Variants in KCNQ2 observed in about 807,000 individuals in gnomAD.
The protein encoded by KCNQ2 is potassium voltage-gated channel subfamily KQT member 2.
In KCNQ2, 14 loss-of-function variants were observed where a neutral mutation model predicts 84.8. The observed-to-expected ratio is 0.17, with a 90% CI of 0.11 to 0.26. KCNQ2 has a LOEUF of 0.26. KCNQ2 is among the 10% of genes least tolerant of loss of function. KCNQ2 has a pLI of 1.00. For synonymous variants in KCNQ2, 599 were observed against 554.1 expected (o/e 1.08, Z -1.14); for missense variants, 788 against 1,254.0 (o/e 0.63, Z 5.61).
rs774516728 is a variant in KCNQ2, at chr20:63,408,431, G to T, written c.1869C>A (p.Leu623=). The T allele has an allele frequency of 5.6e-6, 9 of 1,608,436 alleles. No homozygotes were observed. Among genetic ancestry groups the T allele is most frequent in the Non-Finnish European group, 7.6e-6 (9 of 1,179,040 alleles). Residue 623 remains leucine, a synonymous_variant, in exon 16 of 17, where the codon CTC becomes CTA. Transcript: ENST00000359125. The surrounding 1 kb of genome is among the most constrained non-coding windows in gnomAD (Gnocchi z 5.0). ...LPEDPSMMGR[L]GKVEKQVLSM... The stretch of plus-strand genomic sequence containing the variant: ...CTCGCACCTGCTTCTCCACCTTCCC[G>T]AGCCGTCCCATCATGCTGGGGTCCT...
At position 63,401,743 on chromosome 20, in the gene KCNQ2, G is replaced by A. The variant is rs558559324; in HGVS notation, c.*4901C>T. Reference sequence around the variant, plus strand: ...AGGACACTGGGGGCACCCGTGCACTGAGCACCCACCCCTCAGAGCTCAGCC... The same window carrying A: ...AGGACACTGGGGGCACCCGTGCACTAAGCACCCACCCCTCAGAGCTCAGCC... On this transcript the variant is annotated 3_prime_UTR_variant, in exon 17 of 17. Coordinates refer to ENST00000359125, the MANE Select transcript of KCNQ2 (RefSeq NM_172107.4). 83 of 199,988 alleles carry A rather than the reference G, an allele frequency of 4.2e-4. No individual in the cohort carries two copies. The highest frequency in any genetic ancestry group is 6.1e-4 in the Non-Finnish European group (59 of 96,566). 12.4% of individuals were successfully genotyped at this position (199,988 alleles called of 1,614,324 possible). A position where few individuals can be genotyped will look rare whatever the true frequency, so the allele number is the denominator to read the frequency against.
At position 63,414,261 on chromosome 20, in the gene KCNQ2, G is replaced by T; in HGVS notation, c.1526-68C>A. 1 of 1,151,970 alleles carries T rather than the reference G, an allele frequency of 8.7e-7. No homozygotes were observed. Among genetic ancestry groups the T allele is most frequent in the Non-Finnish European group, 1.3e-6 (1 of 766,156 alleles). 71.4% of individuals were successfully genotyped at this position (1,151,970 alleles called of 1,614,324 possible). ...GAGACCTATTCCCGGGGTCCTGCAG[G>T]GCACACCGGCTAGACAGAGCGCCAG... On this transcript the variant is annotated intron_variant, in intron 13 of 16. Transcript: ENST00000359125. The surrounding 1 kb of genome is among the most constrained non-coding windows in gnomAD (Gnocchi z 6.6).
In KCNQ2 at chr20:63,414,817, G is replaced by A; in HGVS notation, c.1525+86C>T. On this transcript the variant is annotated intron_variant, in intron 13 of 16. Transcript: ENST00000359125. This position sits in a 1 kb window ranked among gnomAD's most constrained non-coding sequence, Gnocchi z 6.6. ...ACTCCAAGAGCAAGCAAAAGCAGCT[G>A]CGACGCCACAGGGTGGCCACAGTAG... The A allele has an allele frequency of 7.5e-7, 1 of 1,331,916 alleles. No individual in the cohort carries two copies. The highest frequency in any genetic ancestry group is 1.1e-6 in the Non-Finnish European group (1 of 928,904). 82.5% of individuals were successfully genotyped at this position (1,331,916 alleles called of 1,614,324 possible).
chr20:63,413,475 A>T lies in KCNQ2; in HGVS notation c.1738T>A (p.Ser580Thr). The change falls in exon 15 of 17, where the codon TCC becomes ACC. Residue 580 changes from serine to threonine, a missense_variant. Coordinates refer to ENST00000359125, the MANE Select transcript of KCNQ2 (RefSeq NM_172107.4). ...QYSAGHLDML[S>T]RIKSLQSRVD... ...CTGGACTGCAGGCTCTTAATTCGGGACAGCATGTCCAGGTGGCCGGCTGAG... is the reference window on the plus strand; with the variant it reads ...CTGGACTGCAGGCTCTTAATTCGGGTCAGCATGTCCAGGTGGCCGGCTGAG... The T allele has an allele frequency of 6.2e-7, 1 of 1,613,260 alleles. No homozygotes were observed. The highest frequency in any genetic ancestry group is 1.3e-5 in the African/African-American group (1 of 75,040).
At chr20:63,439,500 G>A in intron 6 of KCNQ2, 98 bp downstream of exon 6, 1 of 902,020 alleles carries the variant, frequency 1.1e-6, no homozygotes, top group Non-Finnish European at 1.9e-6. Flanking sequence ...TCCTGCCCCA[G>A]GTCCCACCTA....
In KCNQ2 at chr20:63,445,335, C is replaced by G; in HGVS notation, c.417G>C (p.Val139=). 1 of 1,613,872 alleles carries G rather than the reference C, an allele frequency of 6.2e-7. No homozygotes were observed. Among genetic ancestry groups the G allele is most frequent in the Non-Finnish European group, 8.5e-7 (1 of 1,180,014 alleles). Residue 139 remains valine, a synonymous_variant, in exon 3 of 17, where the codon GTG becomes GTC. Transcript: ENST00000359125. ...CGGCCCAGATCCGCACGAAGTACTCCACGCCAAACACCACGATAGTCACGA... is the reference window on the plus strand; with the variant it reads ...CGGCCCAGATCCGCACGAAGTACTCGACGCCAAACACCACGATAGTCACGA... ...LEIVTIVVFG[V]EYFVRIWAAG...
intron 1 of KCNQ2, among the ~76,000 whole-genome samples, chr20:63,457,997 G>C (rs938126240): frequency 2.0e-5 from 3 of 152,258 alleles, no homozygotes; most frequent in African/African-American, 7.2e-5. Flanking sequence ...GTCCCACCCA[G>C]ACCACAGGTG....
In KCNQ2 at chr20:63,446,190, A is replaced by G; in HGVS notation, c.387+557T>C. 1 of 264,902 alleles carries G rather than the reference A, an allele frequency of 3.8e-6. No homozygotes were observed. Among genetic ancestry groups the G allele is most frequent in the East Asian group, 1.3e-4 (1 of 7,940 alleles). 16.4% of individuals were successfully genotyped at this position (264,902 alleles called of 1,614,324 possible). On this transcript the variant is annotated intron_variant, in intron 2 of 16. Coordinates refer to ENST00000359125, the MANE Select transcript of KCNQ2 (RefSeq NM_172107.4). This position sits in a 1 kb window ranked among gnomAD's most constrained non-coding sequence, Gnocchi z 5.5. Reference sequence around the variant, plus strand: ...CCCAGGTAACTGCAAAGGGGGCCACAGTCTCCACCCAGACCTTGGGAAGCC... The same window carrying G: ...CCCAGGTAACTGCAAAGGGGGCCACGGTCTCCACCCAGACCTTGGGAAGCC...
rs531266923 is a variant in KCNQ2, at chr20:63,438,768, C to G, written c.928-48G>C. 1 of 1,545,922 alleles carries G rather than the reference C, an allele frequency of 6.5e-7. No homozygotes were observed. The highest frequency in any genetic ancestry group is 8.9e-7 in the Non-Finnish European group (1 of 1,123,852). On this transcript the variant is annotated intron_variant, in intron 6 of 16. Transcript: ENST00000359125. This position sits in a 1 kb window ranked among gnomAD's most constrained non-coding sequence, Gnocchi z 5.1. ...CACACCCCAGGGACCCCCCACACCC[C>G]AATTCATCAGGGTCAGACCATGCTC...
intron 4 of KCNQ2, among the ~76,000 whole-genome samples, chr20:63,442,987 TACCATC>T (rs2081260222): frequency 1.0e-3 from 19 of 18,654 alleles, no homozygotes; most frequent in Non-Finnish European, 1.4e-3. Context: ...TCACCACCAT[TACCATC>T]ACCATCACCA....
intron 1 of KCNQ2, chr20:63,447,904 G>A (rs570987969): frequency 1.8e-4 from 27 of 152,144 alleles, no homozygotes; most frequent in African/African-American, 4.1e-4. Context: ...GCCCAAATGC[G>A]TGACTTTTTC....
intron 1 of KCNQ2, among the ~76,000 whole-genome samples, chr20:63,457,212 C>T (rs2145848303): frequency 6.6e-6 from 1 of 152,370 alleles, no homozygotes; most frequent in South Asian, 2.1e-4. Context: ...CAGAGCTGCA[C>T]ACAGAGACCT....
At position 63,414,075 on chromosome 20, in the gene KCNQ2, G is replaced by T. The variant is rs2080209081; in HGVS notation, c.1631+13C>A. The T allele has an allele frequency of 1.2e-6, 2 of 1,602,086 alleles. No individual in the cohort carries two copies. The highest frequency in any genetic ancestry group is 1.7e-5 in the Admixed American group (1 of 60,000). On this transcript the variant is annotated intron_variant, in intron 14 of 16. Coordinates refer to ENST00000359125, the MANE Select transcript of KCNQ2 (RefSeq NM_172107.4). The surrounding 1 kb of genome is among the most constrained non-coding windows in gnomAD (Gnocchi z 6.6). ...CTCACTCCCCCAGGCTCCCGGCTGG[G>T]CAGGGGCCTCACCACACGGCTCTGA...
Position 63,405,134 on chromosome 20 carries a change from C to G in KCNQ2, c.*1510G>C, listed in dbSNP as rs958602366. On this transcript the variant is annotated 3_prime_UTR_variant, in exon 17 of 17. Transcript: ENST00000359125. ...CCTCAGGGCCTCAGGACCTCCCAGC[C>G]AAGCCAAGTGCACTGAAAACGCAGG... The G allele has an allele frequency of 1.3e-5, 2 of 152,366 alleles. No homozygotes were observed. The highest frequency in any genetic ancestry group is 2.9e-5 in the Non-Finnish European group (2 of 68,154). 9.4% of individuals were successfully genotyped at this position (152,366 alleles called of 1,614,324 possible).
rs368643726 is a variant in KCNQ2, at chr20:63,400,659, C to T, written c.*5985G>A. The stretch of plus-strand genomic sequence containing the variant: ...AACGGCGCAAATGGGGAAGCTGCAG[C>T]CACCGTCACGGCCAGAGGATGGCAG... On this transcript the variant is annotated 3_prime_UTR_variant, in exon 17 of 17. Coordinates refer to ENST00000359125, the MANE Select transcript of KCNQ2 (RefSeq NM_172107.4). The surrounding 1 kb of genome is among the most constrained non-coding windows in gnomAD (Gnocchi z 8.7). 5.5e-5 allele frequency: 22 copies of T among 398,560 alleles called. No homozygotes were observed. Among genetic ancestry groups the T allele is most frequent in the East Asian group, 1.8e-4 (5 of 28,088 alleles). The allele number at this position is 398,560 out of a possible 1,614,324, so 24.7% of individuals were successfully genotyped here. A position where few individuals can be genotyped will look rare whatever the true frequency, so the allele number is the denominator to read the frequency against.
rs1297956699 is a variant in KCNQ2 at position 63,406,917 on chromosome 20, C to T, written c.2346G>A (p.Arg782=). ...PGCRPPEGNL[R]DSDTSISIPS... ...GGATGGAGATGGACGTGTCGCTGTCCCGCAGGTTCCCCTCGGGGGGCCTGC... is the reference window on the plus strand; with the variant it reads ...GGATGGAGATGGACGTGTCGCTGTCTCGCAGGTTCCCCTCGGGGGGCCTGC... Residue 782 remains arginine (R), a synonymous_variant, in exon 17 of 17, where the codon CGG becomes CGA. Transcript: ENST00000359125. 6.2e-7 allele frequency: 1 copy of T among 1,608,766 alleles called. No individual in the cohort carries two copies. Among genetic ancestry groups the T allele is most frequent in the Non-Finnish European group, 8.5e-7 (1 of 1,178,736 alleles).
chr20:63,446,809 G>A lies in KCNQ2; in HGVS notation c.325C>T (p.Leu109=). ...VFLLVFSCLV[L]SVFSTIKEYE... ...TCCTTGATGGTGGAAAACACAGACAGCACGAGGCAGGAGAAAACCAGGAGG... is the reference window on the plus strand; with the variant it reads ...TCCTTGATGGTGGAAAACACAGACAACACGAGGCAGGAGAAAACCAGGAGG... The change falls in exon 2 of 17, where the codon CTG becomes TTG. Residue 109 remains leucine (L), a synonymous_variant. Coordinates refer to ENST00000359125, the MANE Select transcript of KCNQ2 (RefSeq NM_172107.4). The surrounding 1 kb of genome is among the most constrained non-coding windows in gnomAD (Gnocchi z 5.5). 1 of 1,613,566 alleles carries A rather than the reference G, an allele frequency of 6.2e-7. No homozygotes were observed.
intron 12 of KCNQ2, among the ~76,000 whole-genome samples, chr20:63,417,232 G>A (rs772705318): frequency 3.3e-5 from 5 of 152,140 alleles, no homozygotes; most frequent in South Asian, 2.1e-4. Flanking sequence ...GGGGAGAACC[G>A]GACGGGGGCC....
intron 11 of KCNQ2, 98 bp downstream of exon 11, chr20:63,424,079 G>T: frequency 7.5e-7 from 1 of 1,332,736 alleles, no homozygotes; most frequent in Non-Finnish European, 1.1e-6. Flanking sequence ...CACACACAAG[G>T]CCCTCACATC....
Sources: allele counts gnomAD v4.1 joint callset (sites outside exome capture counted in the v4.1 genomes callset), GRCh38; gene constraint gnomAD v4.1.1; non-coding constraint Gnocchi (gnomAD v3.1); transcripts MANE v1.5; gene names NCBI Gene and HGNC (gene_info 2026-07-23, HGNC 2026-07-21).